GAB2: variants seen among roughly 807,000 people sequenced by gnomAD.
GAB2 encodes the protein GRB2-associated-binding protein 2.
Under a neutral mutation model 65.5 loss-of-function variants are expected in GAB2, and 26 were observed. The observed-to-expected ratio is 0.40, with a 90% CI of 0.29 to 0.55. The LOEUF (loss-of-function observed/expected upper bound fraction) is 0.55, where lower values mean the gene tolerates loss of function less well. GAB2 is among the 20% of genes least tolerant of loss of function. GAB2 has a pLI of 0.53. For synonymous variants in GAB2, 321 were observed against 329.6 expected (o/e 0.97, Z 0.28); for missense variants, 884 against 875.8 (o/e 1.01, Z -0.12).
chr11:78,224,582 TG>T (rs970323289), intron 5 of GAB2, among the ~76,000 whole-genome samples: 24 of 152,344 alleles, frequency 1.6e-4, no homozygotes, highest in African/African-American at 5.8e-4. Context: ...GCTTCTGCCT[TG>T]GTTACCTGAT....
At chr11:78,322,320 A>AAAAAAAAAAAAAAAAAAAAAAAAAAAAT in intron 1 of GAB2, among the ~76,000 whole-genome samples, 1 of 148,658 alleles carries the variant, frequency 6.7e-6, no homozygotes, top group Non-Finnish European at 1.5e-5. Flanking sequence ...AAAAAAAAAA[A>AAAAAAAAAAAAAAAAAAAAAAAAAAAAT]AAAAAAAAGT....
intron 3 of GAB2, among the ~76,000 whole-genome samples, chr11:78,228,690 CCTTCACTGA>C (rs1864756596): frequency 6.6e-6 from 1 of 152,166 alleles, no homozygotes; most frequent in African/African-American, 2.4e-5. Context: ...AGTCTCCAAA[CCTTCACTGA>C]TGCTCCTCCT....
chr11:78,251,763 C>A (rs888981365), intron 2 of GAB2, among the ~76,000 whole-genome samples: 1 of 152,222 alleles, frequency 6.6e-6, no homozygotes, highest in Non-Finnish European at 1.5e-5. Context: ...TGTGTGCCAG[C>A]AGCACTTGGC....
At chr11:78,228,766 A>G (rs1864757995) in intron 3 of GAB2, among the ~76,000 whole-genome samples, 1 of 150,740 alleles carries the variant, frequency 6.6e-6, no homozygotes, top group Non-Finnish European at 1.5e-5. Context: ...AACCAAGCCA[A>G]CAGCCATGGG....
intron 1 of GAB2, among the ~76,000 whole-genome samples, chr11:78,295,406 T>C (rs1167248358): frequency 1.3e-5 from 2 of 152,214 alleles, no homozygotes; most frequent in Non-Finnish European, 2.9e-5. Context: ...TCATATTCAT[T>C]ATTCAATCCA....
At position 78,268,928 on chromosome 11, in the gene GAB2, G is replaced by A. The variant is rs373344145; in HGVS notation, c.376+11673C>T. 1.7e-4 allele frequency among the ~76,000 whole-genome samples: 26 copies of A among 151,364 alleles called. No individual in the cohort carries two copies. In the East Asian group the frequency reaches 2.1e-3, roughly 12 times the overall value. ...TTATGGAGCTCATGTCTGAACTCAC[G>A]GCCTGTTCTGTGGATGACTAGAACC... On this transcript the variant is annotated intron_variant, in intron 2 of 9. Transcript: ENST00000361507.
intron 1 of GAB2, among the ~76,000 whole-genome samples, chr11:78,336,405 A>G (rs775924780): frequency 6.7e-6 from 1 of 148,516 alleles, no homozygotes; most frequent in Non-Finnish European, 1.5e-5. Context: ...GTTGACATAT[A>G]GAAATGCTAC....
chr11:78,356,316 G>A (rs1856359057), intron 1 of GAB2, among the ~76,000 whole-genome samples: 1 of 152,162 alleles, frequency 6.6e-6, no homozygotes, highest in Non-Finnish European at 1.5e-5. Context: ...GCACTTGAGG[G>A]TGAGAGGTTA....
In GAB2 at chr11:78,235,829, GTCT is replaced by G. The variant is rs1381478833; in HGVS notation, c.621-8781_621-8779del. ...GTTCCAGACTTTCCCACATTTTCCTGTCTTCTTCTGAGCCCTCCAAACTGTTCC... is the reference window on the plus strand; with the variant it reads ...GTTCCAGACTTTCCCACATTTTCCTGTCTTCTGAGCCCTCCAAACTGTTCC... On this transcript the variant is annotated intron_variant, in intron 3 of 9. Coordinates refer to ENST00000361507, the MANE Select transcript of GAB2 (RefSeq NM_080491.3). Among the ~76,000 whole-genome samples the G allele has an allele frequency of 9.9e-5, 15 of 152,226 alleles. No individual in the cohort carries two copies. In the Middle Eastern group the frequency reaches 0.017, roughly 173 times the overall value.
chr11:78,324,252 C>T (rs1177076873), intron 1 of GAB2, among the ~76,000 whole-genome samples: 1 of 152,160 alleles, frequency 6.6e-6, no homozygotes, highest in African/African-American at 2.4e-5. Flanking sequence ...CTCTTGTGCT[C>T]ATGTAACACA....
chr11:78,257,440 T>A (rs1865623008), intron 2 of GAB2, among the ~76,000 whole-genome samples: 1 of 152,220 alleles, frequency 6.6e-6, no homozygotes, highest in African/African-American at 2.4e-5. Context: ...CTCTGTAGCC[T>A]TGGATATGTT....
intron 1 of GAB2, among the ~76,000 whole-genome samples, chr11:78,386,891 G>C (rs1451631792): frequency 6.6e-6 from 1 of 152,224 alleles, no homozygotes; most frequent in African/African-American, 2.4e-5. Context: ...AAGGAAGTTG[G>C]AAGGCACGGA....
At chr11:78,254,229 T>C (rs1041517543) in intron 2 of GAB2, among the ~76,000 whole-genome samples, 2 of 152,244 alleles carry the variant, frequency 1.3e-5, no homozygotes, top group Non-Finnish European at 2.9e-5. Flanking sequence ...GAACACCTTC[T>C]ATCACTTATG....
At chr11:78,277,311 A>C (rs1866198934) in intron 2 of GAB2, among the ~76,000 whole-genome samples, 1 of 152,120 alleles carries the variant, frequency 6.6e-6, no homozygotes, top group Admixed American at 6.5e-5. Context: ...CATTTCTCAC[A>C]TTGTTAGAGT....
intron 1 of GAB2, among the ~76,000 whole-genome samples, chr11:78,369,033 G>A (rs577089524): frequency 5.7e-4 from 87 of 151,770 alleles, no homozygotes; most frequent in African/African-American, 2.0e-3. Flanking sequence ...AGCTACTCAG[G>A]AGGCTGAGGT....
intron 1 of GAB2, among the ~76,000 whole-genome samples, chr11:78,376,552 G>C (rs1856633543): frequency 6.6e-6 from 1 of 152,188 alleles, no homozygotes; most frequent in Non-Finnish European, 1.5e-5. Context: ...TTAAGTAAAA[G>C]GTTGTGTTCA....
chr11:78,382,760 C>G (rs568573467), intron 1 of GAB2, among the ~76,000 whole-genome samples: 177 of 152,208 alleles, frequency 1.2e-3, no homozygotes, highest in African/African-American at 4.0e-3. Flanking sequence ...AATGTTGTTC[C>G]TCCAATTTTA....
At chr11:78,230,945 G>A (rs929992129) in intron 3 of GAB2, among the ~76,000 whole-genome samples, 1 of 152,180 alleles carries the variant, frequency 6.6e-6, no homozygotes, top group Admixed American at 6.5e-5. Context: ...TTTGTGGGAT[G>A]GATAATCCAC....
At chr11:78,380,104 C>A (rs2373115) in intron 1 of GAB2, among the ~76,000 whole-genome samples, 36,480 of 152,114 alleles carry the variant, frequency 0.24, 4,857 homozygotes, top group East Asian at 0.41. Flanking sequence ...CAAGAGAGTG[C>A]CGGACTATAA....
Sources: allele counts gnomAD v4.1 joint callset (sites outside exome capture counted in the v4.1 genomes callset), GRCh38; gene constraint gnomAD v4.1.1; transcripts MANE v1.5; gene names NCBI Gene and HGNC (gene_info 2026-07-23, HGNC 2026-07-21).